The following PPP1R18 variants were observed in gnomAD, a reference collection of about 807,000 sequenced individuals.
PPP1R18 encodes the protein protein phosphatase 1 regulatory subunit 18, also known as phostensin.
Under a neutral mutation model 54.8 loss-of-function variants are expected in PPP1R18, and 31 were observed. The ratio of observed to expected loss-of-function variants is 0.57; its 90% CI spans 0.43 to 0.76. The LOEUF is 0.76. Ranked by LOEUF, PPP1R18 falls within the 30% of genes least tolerant of loss-of-function variation. PPP1R18 has a pLI of 0.00. For missense variants in PPP1R18, 685 were observed against 776.1 expected (o/e 0.88, Z 1.39); for synonymous variants, 310 against 320.2 (o/e 0.97, Z 0.34).
chr6:30,685,240 T>C lies in PPP1R18; in HGVS notation c.779A>G (p.Glu260Gly). ...TTCTTCTCCTGACCTCAGCCTCCAC[T>C]CTGTTGCCTCCAGTTGTACCAAACT... ...EQSLVQLEAT[E>G]WRLRSGEERQ... Residue 260 changes from glutamate (E) to glycine (G), a missense_variant, in exon 1 of 3, where the codon GAG (glutamate) becomes GGG (glycine). Glu to Gly is a moderately conservative substitution (Grantham distance 98, BLOSUM62 -2). Transcript: ENST00000274853. This position sits in a 1 kb window ranked among gnomAD's most constrained non-coding sequence, Gnocchi z 5.0. 6.2e-7 allele frequency: 1 copy of C among 1,613,048 alleles called. No individual in the cohort carries two copies. The highest frequency in any genetic ancestry group is 1.1e-5 in the South Asian group (1 of 91,082).
In PPP1R18 at chr6:30,681,306, A is replaced by G. The variant is rs565968563; in HGVS notation, c.1612-1917T>C. Among the ~76,000 whole-genome samples the G allele has an allele frequency of 4.0e-5, 6 of 151,422 alleles. No individual in the cohort carries two copies. In the East Asian group the frequency reaches 1.2e-3, roughly 29 times the overall value. On this transcript the variant is annotated intron_variant, in intron 1 of 2. Transcript: ENST00000274853. ...TGGAACACTCCCCCAAAATATCCCCATGGCTCTGACCCTCCTGATCACCCT... is the reference window on the plus strand; with the variant it reads ...TGGAACACTCCCCCAAAATATCCCCGTGGCTCTGACCCTCCTGATCACCCT...
Position 30,685,926 on chromosome 6 carries a change from C to T in PPP1R18, c.93G>A (p.Glu31=), listed in dbSNP as rs753266666. 6.2e-7 allele frequency: 1 copy of T among 1,608,794 alleles called. No individual in the cohort carries two copies. Among genetic ancestry groups the T allele is most frequent in the Middle Eastern group, 1.7e-4 (1 of 5,988 alleles). The change falls in exon 1 of 3, where the codon GAG becomes GAA. Residue 31 remains glutamate (E), a synonymous_variant. Coordinates refer to ENST00000274853, the MANE Select transcript of PPP1R18 (RefSeq NM_133471.4). The surrounding 1 kb of genome is among the most constrained non-coding windows in gnomAD (Gnocchi z 5.0). ...SVRGREKAER[E]RLSQMPAWKR... ...TCCAGGCTGGCATCTGGGACAGGCG[C>T]TCCCGTTCTGCTTTCTCTCGGCCTC...
chr6:30,678,030 A>C (rs910576429), intron 2 of PPP1R18, among the ~76,000 whole-genome samples: 5 of 148,886 alleles, frequency 3.4e-5, no homozygotes, highest in East Asian at 2.0e-4. Flanking sequence ...CCTGCCTCAG[A>C]CTCCCGAGTA....
Position 30,686,155 on chromosome 6 carries a change from G to T in PPP1R18, c.-137C>A. ...AGGGGGAGAGGTGGGACACAAAGCA[G>T]GGCAGAGGGGCTAAGGATGAGGACA... On this transcript the variant is annotated 5_prime_UTR_variant, in exon 1 of 3. It adds an upstream start codon to the 5' untranslated region. Transcript: ENST00000274853. The T allele has an allele frequency of 1.2e-6, 1 of 826,466 alleles. No individual in the cohort carries two copies. The highest frequency in any genetic ancestry group is 1.9e-6 in the Non-Finnish European group (1 of 524,906). 51.2% of individuals were successfully genotyped at this position (826,466 alleles called of 1,614,324 possible).
chr6:30,683,266 A>AGTCTGAG lies in PPP1R18; in HGVS notation c.1611+1135_1611+1141dup, dbSNP rs1184909327. 1.3e-5 allele frequency among the ~76,000 whole-genome samples: 2 copies of AGTCTGAG among 152,190 alleles called. No homozygotes were observed. Among genetic ancestry groups the AGTCTGAG allele is most frequent in the Non-Finnish European group, 2.9e-5 (2 of 68,018 alleles). ...TGTGTGTGACTGGAGGGACTTCCTA[A>AGTCTGAG]GTCTGAGATGTCTGAGTGTGGGACC... On this transcript the variant is annotated intron_variant, in intron 1 of 2. Transcript: ENST00000274853. The surrounding 1 kb of genome is among the most constrained non-coding windows in gnomAD (Gnocchi z 5.1).
chr6:30,677,202 A>AT lies in PPP1R18; in HGVS notation c.*66_*67insA, dbSNP rs1254101092. 1.4e-6 allele frequency: 2 copies of AT among 1,462,354 alleles called. No individual in the cohort carries two copies. The highest frequency in any genetic ancestry group is 2.8e-5 in the African/African-American group (2 of 71,744). The allele number at this position is 1,462,354 out of a possible 1,614,324, so 90.6% of individuals were successfully genotyped here. A position where few individuals can be genotyped will look rare whatever the true frequency, so the allele number is the denominator to read the frequency against. On this transcript the variant is annotated 3_prime_UTR_variant, in exon 3 of 3. Coordinates refer to ENST00000274853, the MANE Select transcript of PPP1R18 (RefSeq NM_133471.4). ...TCATTATCAGGGTCTGTCTGCCCTGAATCTTCCGGGCTCCAGGATCTTCAG... is the reference window on the plus strand; with the variant it reads ...TCATTATCAGGGTCTGTCTGCCCTGATATCTTCCGGGCTCCAGGATCTTCAG...
chr6:30,682,104 T>C (rs1770581046), intron 1 of PPP1R18, among the ~76,000 whole-genome samples: 2 of 152,228 alleles, frequency 1.3e-5, no homozygotes, highest in Non-Finnish European at 2.9e-5. Flanking sequence ...TATTTTCTAC[T>C]CTGAAAATGA....
At chr6:30,687,505 C>G (rs1298812052), upstream of PPP1R18, 1 of 152,462 alleles carries the variant, frequency 6.6e-6, no homozygotes, top group African/African-American at 2.4e-5. The surrounding 1 kb of genome is among the most constrained non-coding windows in gnomAD (Gnocchi z 7.9). Flanking sequence ...GATCCCTTCC[C>G]CCAGCTCGCC....
At chr6:30,682,548 CAG>C (rs961325060) in intron 1 of PPP1R18, among the ~76,000 whole-genome samples, 25 of 152,124 alleles carry the variant, frequency 1.6e-4, no homozygotes, top group Non-Finnish European at 2.5e-4. Context: ...AGGTTGCTGA[CAG>C]GGGGTAGAGG....
At chr6:30,679,852 G>A (rs1360836441) in intron 1 of PPP1R18, among the ~76,000 whole-genome samples, 1 of 152,142 alleles carries the variant, frequency 6.6e-6, no homozygotes, top group African/African-American at 2.4e-5. Flanking sequence ...TGGCCAGTGG[G>A]GAAAGAACTG....
Position 30,685,141 on chromosome 6 carries a change from G to A in PPP1R18, c.878C>T (p.Ala293Val). ...CCTTGTCAGGGTCTCGGACAGCTCT[G>A]CAGTCTCTTTTGGAGCTACCCCTGG... ...PVPGVAPKET[A>V]ELSETLTREA... Residue 293 changes from alanine to valine, a missense_variant, in exon 1 of 3, where the codon GCA becomes GTA. Physicochemically the swap from Ala to Val is moderately conservative, Grantham distance 64 (BLOSUM62 0). Coordinates refer to ENST00000274853, the MANE Select transcript of PPP1R18 (RefSeq NM_133471.4). The surrounding 1 kb of genome is among the most constrained non-coding windows in gnomAD (Gnocchi z 5.0). 1 of 1,613,112 alleles carries A rather than the reference G, an allele frequency of 6.2e-7. No individual in the cohort carries two copies. The highest frequency in any genetic ancestry group is 8.5e-7 in the Non-Finnish European group (1 of 1,180,028).
chr6:30,676,441 C>A lies in PPP1R18; in HGVS notation c.*828G>T, dbSNP rs1770183598. ...AAGTTAAAAAACAAACAAAACAAAA[C>A]AGGCAATTGATAAAGGCGGCACAAT... On this transcript the variant is annotated 3_prime_UTR_variant, in exon 3 of 3. Coordinates refer to ENST00000274853, the MANE Select transcript of PPP1R18 (RefSeq NM_133471.4). The A allele has an allele frequency of 6.6e-6, 1 of 151,748 alleles. No individual in the cohort carries two copies. Among genetic ancestry groups the A allele is most frequent in the Admixed American group, 6.6e-5 (1 of 15,212 alleles). 9.4% of individuals were successfully genotyped at this position (151,748 alleles called of 1,614,324 possible).
rs942571498 is a variant in PPP1R18 at position 30,683,666 on chromosome 6, G to T, written c.1611+742C>A. ...CGGGGGTATTTTGGAAGAGGAGAAG[G>T]CTTTTCTTGTCCCAAGAGAGAAGGG... On this transcript the variant is annotated intron_variant, in intron 1 of 2. Coordinates refer to ENST00000274853, the MANE Select transcript of PPP1R18 (RefSeq NM_133471.4). This position sits in a 1 kb window ranked among gnomAD's most constrained non-coding sequence, Gnocchi z 5.1. Among the ~76,000 whole-genome samples, 1 of 152,144 alleles carries T rather than the reference G, an allele frequency of 6.6e-6. No individual in the cohort carries two copies. The highest frequency in any genetic ancestry group is 2.4e-5 in the African/African-American group (1 of 41,424).
intron 1 of PPP1R18, 26 bp from the exon 2 acceptor site, chr6:30,679,415 G>A: frequency 6.4e-7 from 1 of 1,560,508 alleles, no homozygotes; most frequent in Non-Finnish European, 8.7e-7. Context: ...AAAGGGGGCA[G>A]GAGGCAAGGT....
At chr6:30,677,321 G>A in intron 2 of PPP1R18, 33 bp from the exon 3 acceptor site, 6 of 1,569,708 alleles carry the variant, frequency 3.8e-6, no homozygotes, top group Non-Finnish European at 5.2e-6. Context: ...GTTAGAGAAT[G>A]AGTGAGAGCC....
At chr6:30,681,372 C>A (rs1049942191) in intron 1 of PPP1R18, among the ~76,000 whole-genome samples, 3 of 151,658 alleles carry the variant, frequency 2.0e-5, no homozygotes, top group Non-Finnish European at 2.9e-5. Context: ...CCTCCTGACC[C>A]TCTAAGTTCC....
intron 1 of PPP1R18, among the ~76,000 whole-genome samples, chr6:30,682,811 C>A (rs569000387): frequency 6.6e-6 from 1 of 152,246 alleles, no homozygotes; most frequent in South Asian, 2.1e-4. Context: ...ACAGGTCCTG[C>A]CCTGCACTTG....
Position 30,684,307 on chromosome 6 carries a change from G to C in PPP1R18, c.1611+101C>G. 1 of 1,204,132 alleles carries C rather than the reference G, an allele frequency of 8.3e-7. No homozygotes were observed. 74.6% of individuals were successfully genotyped at this position (1,204,132 alleles called of 1,614,324 possible). A position where few individuals can be genotyped will look rare whatever the true frequency, so the allele number is the denominator to read the frequency against. ...TGGCAGGAATTAACAAGAAAGAATA[G>C]AGGAAGACAAGAAAACAGGGGTATA... On this transcript the variant is annotated intron_variant, in intron 1 of 2. Coordinates refer to ENST00000274853, the MANE Select transcript of PPP1R18 (RefSeq NM_133471.4). The surrounding 1 kb of genome is among the most constrained non-coding windows in gnomAD (Gnocchi z 6.0).
chr6:30,684,656 C>G lies in PPP1R18; in HGVS notation c.1363G>C (p.Gly455Arg). The change falls in exon 1 of 3, where the codon GGG becomes CGG. Residue 455 changes from glycine to arginine, a missense_variant. Gly to Arg is a moderately radical substitution (Grantham distance 125). Transcript: ENST00000274853. This position sits in a 1 kb window ranked among gnomAD's most constrained non-coding sequence, Gnocchi z 6.0. ...GDPLMSRLFY[G>R]VKAGPGVGAP... Reference sequence around the variant, plus strand: ...CCCACCCCTGGCCCTGCCTTCACCCCATAGAACAGGCGGCTCATGAGGGGA... The same window carrying G: ...CCCACCCCTGGCCCTGCCTTCACCCGATAGAACAGGCGGCTCATGAGGGGA... The G allele has an allele frequency of 6.6e-7, 1 of 1,508,106 alleles. No individual in the cohort carries two copies. The highest frequency in any genetic ancestry group is 8.9e-7 in the Non-Finnish European group (1 of 1,126,236). The allele number at this position is 1,508,106 out of a possible 1,614,324, so 93.4% of individuals were successfully genotyped here.
Sources: allele counts gnomAD v4.1 joint callset (sites outside exome capture counted in the v4.1 genomes callset), GRCh38; gene constraint gnomAD v4.1.1; non-coding constraint Gnocchi (gnomAD v3.1); transcripts MANE v1.5; gene names NCBI Gene and HGNC (gene_info 2026-07-23, HGNC 2026-07-21).